Variants in SLIT3 observed in about 807,000 individuals in gnomAD.
The protein encoded by SLIT3 is slit homolog 3 protein.
SLIT3 carries 68 observed loss-of-function variants against 184.0 expected under a neutral mutation model. The observed-to-expected ratio is 0.37, with a 90% confidence interval of 0.30 to 0.45. The LOEUF (loss-of-function observed/expected upper bound fraction) is 0.45. Ranked by LOEUF, SLIT3 falls within the 20% of genes least tolerant of loss-of-function variation. SLIT3 has a pLI of 1.00. For synonymous variants in SLIT3, 831 were observed against 828.6 expected (o/e 1.00, Z -0.05); for missense variants, 1,707 against 2,026.0 (o/e 0.84, Z 3.02).
chr5:168,736,492 A>G lies in SLIT3; in HGVS notation c.2270+11810T>C, dbSNP rs569850556. Among the ~76,000 whole-genome samples, 17 of 152,302 alleles carry G rather than the reference A, an allele frequency of 1.1e-4. No homozygotes were observed. In the East Asian group the frequency reaches 3.3e-3, roughly 29 times the overall value. The stretch of plus-strand genomic sequence containing the variant: ...GTAGTCAGTGCTGGGCAGTTGTTCT[A>G]TTAAGTGCTCTGGGGAGCATGGGGG... On this transcript the variant is annotated intron_variant, in intron 20 of 35. Coordinates refer to ENST00000519560, the MANE Select transcript of SLIT3 (RefSeq NM_003062.4).
intron 5 of SLIT3, among the ~76,000 whole-genome samples, chr5:168,878,780 T>A (rs1414444624): frequency 6.6e-6 from 1 of 151,244 alleles, no homozygotes; most frequent in Non-Finnish European, 1.5e-5. Flanking sequence ...AATGGTGCGA[T>A]CTTGGCTCAC....
intron 4 of SLIT3, among the ~76,000 whole-genome samples, chr5:169,062,679 G>T (rs548390026): frequency 6.6e-6 from 1 of 152,282 alleles, no homozygotes; most frequent in South Asian, 2.1e-4. Context: ...TGTTTGGTTT[G>T]TATGGTCTCT....
intron 1 of SLIT3, among the ~76,000 whole-genome samples, chr5:169,269,870 T>C (rs988194098): frequency 9.2e-5 from 14 of 152,244 alleles, no homozygotes; most frequent in African/African-American, 3.4e-4. Flanking sequence ...CCTTTGAGAA[T>C]CCAATTTGTT....
chr5:169,148,350 C>T (rs182771574), intron 4 of SLIT3, among the ~76,000 whole-genome samples: 2 of 152,074 alleles, frequency 1.3e-5, no homozygotes, highest in Admixed American at 1.3e-4. Flanking sequence ...TTTAAAAGGC[C>T]GAAGAGGAAA....
At chr5:168,737,584 C>T (rs1763480125) in intron 20 of SLIT3, among the ~76,000 whole-genome samples, 1 of 152,312 alleles carries the variant, frequency 6.6e-6, no homozygotes, top group African/African-American at 2.4e-5. Flanking sequence ...CATCCTTCCC[C>T]CCTCTTTTCC....
At position 168,669,862 on chromosome 5, in the gene SLIT3, A is replaced by G; in HGVS notation, c.4257T>C (p.His1419=). 2 of 1,614,224 alleles carry G rather than the reference A, an allele frequency of 1.2e-6. No individual in the cohort carries two copies. Among genetic ancestry groups the G allele is most frequent in the South Asian group, 2.2e-5 (2 of 91,090 alleles). ...CTTGGTCTGAGATGTGGCACTGCCC[A>G]TGGTGACACTTGAAGGCTGAGCAGG... The part of the protein sequence containing the change: ...ANACSAFKCH[H]GQCHISDQGE... Residue 1419 remains histidine (H), a synonymous_variant, in exon 35 of 36, where the codon CAT becomes CAC. Transcript: ENST00000519560.
At chr5:169,141,913 G>A (rs1229230287) in intron 4 of SLIT3, among the ~76,000 whole-genome samples, 1 of 151,072 alleles carries the variant, frequency 6.6e-6, no homozygotes, top group African/African-American at 2.4e-5. Flanking sequence ...AGCTGGGCGT[G>A]GTAGCGCATG....
intron 20 of SLIT3, among the ~76,000 whole-genome samples, chr5:168,736,482 C>T (rs553204822): frequency 6.6e-6 from 1 of 152,332 alleles, no homozygotes; most frequent in Admixed American, 6.5e-5. Flanking sequence ...CAGTGCTGGG[C>T]AGTTGTTCTA....
chr5:168,954,270 A>G (rs7721574), intron 4 of SLIT3, among the ~76,000 whole-genome samples: 73,153 of 151,920 alleles, frequency 0.48, 18,805 homozygotes, highest in African/African-American at 0.67. Flanking sequence ...AGGGGAGCAC[A>G]GATAATGGAC....
intron 4 of SLIT3, among the ~76,000 whole-genome samples, chr5:169,170,651 C>T (rs1762786543): frequency 6.6e-6 from 1 of 152,174 alleles, no homozygotes; most frequent in South Asian, 2.1e-4. Context: ...GCTGCTGCCA[C>T]CAGAGCGCCC....
intron 6 of SLIT3, among the ~76,000 whole-genome samples, chr5:168,833,103 C>T (rs1757931750): frequency 1.3e-5 from 2 of 152,160 alleles, no homozygotes; most frequent in South Asian, 4.1e-4. Flanking sequence ...GGACAAAGAG[C>T]CCTGAATAAG....
intron 4 of SLIT3, among the ~76,000 whole-genome samples, chr5:169,190,963 A>T (rs188114278): frequency 6.2e-4 from 95 of 152,360 alleles, no homozygotes; most frequent in Middle Eastern, 3.4e-3. Flanking sequence ...ATTATAGCCC[A>T]AACTTGGGTT....
intron 5 of SLIT3, among the ~76,000 whole-genome samples, chr5:168,858,616 G>T (rs912702353): frequency 2.0e-5 from 3 of 152,262 alleles, no homozygotes; most frequent in Non-Finnish European, 2.9e-5. Flanking sequence ...GCTCCCAGCA[G>T]CTTTCTGAGC....
chr5:168,902,618 G>C (rs1274685884), intron 4 of SLIT3, among the ~76,000 whole-genome samples: 1 of 152,236 alleles, frequency 6.6e-6, no homozygotes, highest in Non-Finnish European at 1.5e-5. Flanking sequence ...GAACTTGTTA[G>C]AAATGGGAAA....
chr5:169,038,436 C>T (rs1044197084), intron 4 of SLIT3, among the ~76,000 whole-genome samples: 5 of 152,172 alleles, frequency 3.3e-5, no homozygotes, highest in Non-Finnish European at 7.3e-5. Context: ...TACTTTATAC[C>T]ATAACATATG....
intron 4 of SLIT3, among the ~76,000 whole-genome samples, chr5:168,896,872 C>T (rs192463668): frequency 6.6e-6 from 1 of 152,284 alleles, no homozygotes; most frequent in African/African-American, 2.4e-5. Flanking sequence ...GTTGGTCCAG[C>T]CACTTCTGTG....
At chr5:169,287,775 G>C (rs928152009) in intron 1 of SLIT3, among the ~76,000 whole-genome samples, 2 of 152,176 alleles carry the variant, frequency 1.3e-5, no homozygotes, top group Admixed American at 6.5e-5. Flanking sequence ...GCGTTTCTCA[G>C]GGCGGTTGCA....
At chr5:169,003,289 G>A (rs955239302) in intron 4 of SLIT3, among the ~76,000 whole-genome samples, 4 of 152,106 alleles carry the variant, frequency 2.6e-5, no homozygotes, top group Non-Finnish European at 4.4e-5. Flanking sequence ...GCAGAATATG[G>A]GCCCTAGCTT....
At chr5:169,102,563 T>G (rs1432336882) in intron 4 of SLIT3, among the ~76,000 whole-genome samples, 2 of 152,226 alleles carry the variant, frequency 1.3e-5, no homozygotes, top group Non-Finnish European at 2.9e-5. Context: ...AAATTTGTAT[T>G]ATTTTTATTA....
Sources: allele counts gnomAD v4.1 joint callset (sites outside exome capture counted in the v4.1 genomes callset), GRCh38; gene constraint gnomAD v4.1.1; transcripts MANE v1.5; gene names NCBI Gene and HGNC (gene_info 2026-07-23, HGNC 2026-07-21).